Variants in XPNPEP3 observed in about 807,000 individuals in gnomAD.
XPNPEP3 encodes xaa-Pro aminopeptidase 3.
XPNPEP3 carries 41 observed loss-of-function variants against 60.0 expected under a neutral mutation model. The observed-to-expected ratio is 0.68, with a 90% confidence interval of 0.53 to 0.89. The LOEUF (loss-of-function observed/expected upper bound fraction) is 0.89. XPNPEP3 is among the 40% of genes least tolerant of loss of function. The pLI, the probability that XPNPEP3 is intolerant of heterozygous loss-of-function variation, is 0.00. For missense variants in XPNPEP3, 598 were observed against 638.9 expected, an observed-to-expected ratio of 0.94 and a Z score of 0.69; for synonymous variants, 212 against 223.2, an observed-to-expected ratio of 0.95 and a Z score of 0.45.
At chr22:40,918,341 T>C (rs1206751473) in intron 7 of XPNPEP3, among the ~76,000 whole-genome samples, 4 of 152,156 alleles carry the variant, frequency 2.6e-5, no homozygotes, top group Non-Finnish European at 5.9e-5. Flanking sequence ...ATCACTGTGC[T>C]CTAGCCTAGG....
intron 4 of XPNPEP3, among the ~76,000 whole-genome samples, chr22:40,901,891 T>C (rs550056088): frequency 6.6e-6 from 1 of 152,314 alleles, no homozygotes; most frequent in South Asian, 2.1e-4. Context: ...TAAGGGATTT[T>C]CTTTTCTGGT....
intron 3 of XPNPEP3, among the ~76,000 whole-genome samples, chr22:40,885,834 T>C (rs902932500): frequency 2.0e-5 from 3 of 152,038 alleles, no homozygotes; most frequent in Non-Finnish European, 2.9e-5. Flanking sequence ...ATACAAAAAT[T>C]AGCTGGGCAT....
intron 6 of XPNPEP3, among the ~76,000 whole-genome samples, chr22:40,909,539 T>C (rs1480266337): frequency 6.6e-6 from 1 of 151,978 alleles, no homozygotes; most frequent in African/African-American, 2.4e-5. Context: ...CCAAGGCGGG[T>C]GAATCGCTTG....
chr22:40,908,467 A>G (rs1457400825), intron 5 of XPNPEP3, among the ~76,000 whole-genome samples: 8 of 151,978 alleles, frequency 5.3e-5, no homozygotes, highest in African/African-American at 1.2e-4. Context: ...ATAGTGAACT[A>G]TGATTGCCCC....
At chr22:40,889,057 A>G (rs2058079830) in intron 4 of XPNPEP3, among the ~76,000 whole-genome samples, 1 of 151,356 alleles carries the variant, frequency 6.6e-6, no homozygotes, top group Non-Finnish European at 1.5e-5. Flanking sequence ...TTTTTGAGAC[A>G]GTGTCTCGCT....
At position 40,926,802 on chromosome 22, in the gene XPNPEP3, A is replaced by G. The variant is rs926035693; in HGVS notation, c.*367A>G. On this transcript the variant is annotated 3_prime_UTR_variant, in exon 10 of 10. Transcript: ENST00000357137. ...TCTTCTTTCAAGTCCTTCCCTTTCT[A>G]TACTTTTGCTGAGATCAACCCAATA... 4.1e-5 allele frequency: 13 copies of G among 320,304 alleles called. No homozygotes were observed. Among genetic ancestry groups the G allele is most frequent in the South Asian group, 1.4e-4 (5 of 36,760 alleles). 19.8% of individuals were successfully genotyped at this position (320,304 alleles called of 1,614,324 possible).
At chr22:40,890,737 C>T (rs907291521) in intron 4 of XPNPEP3, among the ~76,000 whole-genome samples, 7 of 151,722 alleles carry the variant, frequency 4.6e-5, no homozygotes, top group Admixed American at 4.6e-4. Context: ...CATGGTGGTA[C>T]GCACCTGTAG....
rs2058245005 is a variant in XPNPEP3 at position 40,928,942 on chromosome 22, A to G, written c.*2507A>G. 6.6e-6 allele frequency: 1 copy of G among 152,130 alleles called. No individual in the cohort carries two copies. Among genetic ancestry groups the G allele is most frequent in the South Asian group, 2.1e-4 (1 of 4,826 alleles). 9.4% of individuals were successfully genotyped at this position (152,130 alleles called of 1,614,324 possible). A position where few individuals can be genotyped will look rare whatever the true frequency, so the allele number is the denominator to read the frequency against. ...ATGCCTGGCTTTGCGCACCTTATCT[A>G]AGCAGCTCTCAGAATGGAGGCTGCA... On this transcript the variant is annotated 3_prime_UTR_variant, in exon 10 of 10. Coordinates refer to ENST00000357137, the MANE Select transcript of XPNPEP3 (RefSeq NM_022098.4).
At position 40,924,436 on chromosome 22, in the gene XPNPEP3, C is replaced by T; in HGVS notation, c.1311C>T (p.Pro437=). ...ATGTCCATGACACTCCAGACATGCC[C>T]CGTTCCCTCCCTCTGCAGCCTGGGA... ...GMDVHDTPDM[P]RSLPLQPGMV... is the part of the protein sequence containing the mutation. Residue 437 remains proline, a synonymous_variant, in exon 9 of 10, where the codon CCC becomes CCT. Coordinates refer to ENST00000357137, the MANE Select transcript of XPNPEP3 (RefSeq NM_022098.4). 1 of 1,614,136 alleles carries T rather than the reference C, an allele frequency of 6.2e-7. No homozygotes were observed. The highest frequency in any genetic ancestry group is 8.5e-7 in the Non-Finnish European group (1 of 1,180,036).
intron 4 of XPNPEP3, among the ~76,000 whole-genome samples, chr22:40,906,526 C>T (rs1199966782): frequency 1.3e-5 from 2 of 151,914 alleles, no homozygotes; most frequent in Non-Finnish European, 2.9e-5. Context: ...GCAGTGTTGT[C>T]CCCTAGGGAG....
chr22:40,899,671 T>A (rs2058123676), intron 4 of XPNPEP3, among the ~76,000 whole-genome samples: 1 of 151,764 alleles, frequency 6.6e-6, no homozygotes, highest in African/African-American at 2.4e-5. Context: ...ATACAAAAAT[T>A]AGCTGGATGT....
chr22:40,862,528 T>G (rs546945132), intron 1 of XPNPEP3: 1 of 985,522 alleles, frequency 1.0e-6, no homozygotes, highest in East Asian at 1.1e-4. Context: ...CAGAGGGAGA[T>G]ACAAACAAGT....
At chr22:40,861,620 G>C (rs143276105) in intron 1 of XPNPEP3, 2 of 1,613,242 alleles carry the variant, frequency 1.2e-6, no homozygotes, top group African/African-American at 2.7e-5. Flanking sequence ...TTCCATAGGA[G>C]CTTCCTGGAC....
chr22:40,866,850 C>G (rs1038815888), intron 1 of XPNPEP3, among the ~76,000 whole-genome samples: 1 of 152,136 alleles, frequency 6.6e-6, no homozygotes, highest in African/African-American at 2.4e-5. Flanking sequence ...AAGTTAAGCT[C>G]CCTCTGCTTG....
chr22:40,882,186 T>C lies in XPNPEP3; in HGVS notation c.589+9T>C. ...TCTACCAAAAATGAAAGGTAACAAA[T>C]GGGAGCAGAAGTCACATTACAAACC... On this transcript the variant is annotated intron_variant, in intron 3 of 9. Transcript: ENST00000357137. 3 of 1,613,948 alleles carry C rather than the reference T, an allele frequency of 1.9e-6. No individual in the cohort carries two copies. The highest frequency in any genetic ancestry group is 2.5e-6 in the Non-Finnish European group (3 of 1,180,020).
In XPNPEP3 at chr22:40,931,253, C is replaced by A. The variant is rs1232327603; in HGVS notation, c.*4818C>A. 1 of 152,102 alleles carries A rather than the reference C, an allele frequency of 6.6e-6. No individual in the cohort carries two copies. Among genetic ancestry groups the A allele is most frequent in the Admixed American group, 6.6e-5 (1 of 15,250 alleles). 9.4% of individuals were successfully genotyped at this position (152,102 alleles called of 1,614,324 possible). A position where few individuals can be genotyped will look rare whatever the true frequency, so the allele number is the denominator to read the frequency against. ...AATGTTACTACTGGAATTTTTCTCCCTGAATTGAAGATACATGGTTAGATC... is the reference window on the plus strand; with the variant it reads ...AATGTTACTACTGGAATTTTTCTCCATGAATTGAAGATACATGGTTAGATC... On this transcript the variant is annotated 3_prime_UTR_variant, in exon 10 of 10. Coordinates refer to ENST00000357137, the MANE Select transcript of XPNPEP3 (RefSeq NM_022098.4).
At chr22:40,917,919 G>A (rs889152002) in intron 7 of XPNPEP3, 1 of 151,756 alleles carries the variant, frequency 6.6e-6, no homozygotes, top group African/African-American at 2.4e-5. Flanking sequence ...ACTAAAGTGG[G>A]AGGATCACCT....
intron 1 of XPNPEP3, among the ~76,000 whole-genome samples, chr22:40,868,392 A>G (rs112339220): frequency 2.6e-5 from 4 of 151,922 alleles, no homozygotes; most frequent in East Asian, 1.9e-4. Flanking sequence ...TTCTGTTTTC[A>G]TAGCTCCTTA....
At chr22:40,862,597 A>G (rs1464813182) in intron 1 of XPNPEP3, 2 of 985,394 alleles carry the variant, frequency 2.0e-6, no homozygotes, top group East Asian at 1.1e-4. Flanking sequence ...AAACAATTAT[A>G]TGAGAGACAG....
Sources: allele counts gnomAD v4.1 joint callset (sites outside exome capture counted in the v4.1 genomes callset), GRCh38; gene constraint gnomAD v4.1.1; transcripts MANE v1.5; gene names NCBI Gene and HGNC (gene_info 2026-07-23, HGNC 2026-07-21).